Variants in RBFOX1 observed in about 807,000 individuals in gnomAD.
RBFOX1 encodes the protein RNA binding fox-1 homolog 1.
Under a neutral mutation model 57.7 loss-of-function variants are expected in RBFOX1, and 8 were observed. The observed-to-expected ratio is 0.14, with a 90% CI of 0.08 to 0.25. RBFOX1 has a LOEUF of 0.25. Among genes scored for constraint, RBFOX1 ranks in the 10% least tolerant of loss-of-function variants. The pLI is 1.00. For synonymous variants in RBFOX1, 326 were observed against 222.4 expected, an observed-to-expected ratio of 1.47 and a Z score of -4.15; for missense variants, 611 against 548.5, an observed-to-expected ratio of 1.11 and a Z score of -1.14.
chr16:7,117,646 G>A (rs546137595), intron 4 of RBFOX1, among the ~76,000 whole-genome samples: 23 of 152,262 alleles, frequency 1.5e-4, no homozygotes, highest in African/African-American at 5.1e-4. Flanking sequence ...AGGTTTTTAC[G>A]CTGCATAGCA....
chr16:7,380,410 T>C (rs1462788022), intron 4 of RBFOX1, among the ~76,000 whole-genome samples: 1 of 151,946 alleles, frequency 6.6e-6, no homozygotes, highest in Non-Finnish European at 1.5e-5. Context: ...TAAATGACTT[T>C]ATGTCTATGA....
intron 1 of RBFOX1, among the ~76,000 whole-genome samples, chr16:6,296,423 CT>C (rs1555611644): frequency 8.7e-4 from 125 of 144,210 alleles, no homozygotes; most frequent in Middle Eastern, 7.3e-3. Flanking sequence ...AGGGGATGTA[CT>C]TTTTTTTTTT....
At chr16:5,357,658 C>G (rs918950731) in intron 1 of RBFOX1, among the ~76,000 whole-genome samples, 2 of 152,194 alleles carry the variant, frequency 1.3e-5, no homozygotes, top group Non-Finnish European at 2.9e-5. Flanking sequence ...GATCATGAAC[C>G]ACACCCCAGG....
At chr16:7,565,991 C>G (rs2091580135) in intron 5 of RBFOX1, among the ~76,000 whole-genome samples, 1 of 152,078 alleles carries the variant, frequency 6.6e-6, no homozygotes, top group African/African-American at 2.4e-5. Context: ...TGGAATGATT[C>G]AGGAAAGACT....
intron 1 of RBFOX1, among the ~76,000 whole-genome samples, chr16:5,415,549 CA>C (rs1444241348): frequency 1.1e-4 from 17 of 152,186 alleles, no homozygotes; most frequent in Non-Finnish European, 2.2e-4. Context: ...TGTACATCTT[CA>C]ACAGAAAACA....
intron 3 of RBFOX1, among the ~76,000 whole-genome samples, chr16:5,652,619 C>T (rs982344864): frequency 6.6e-6 from 1 of 152,212 alleles, no homozygotes; most frequent in Non-Finnish European, 1.5e-5. Context: ...CAGCCCCCAC[C>T]CACTCACCCA....
At chr16:5,596,605 C>A (rs1355778692) in intron 2 of RBFOX1, among the ~76,000 whole-genome samples, 1 of 152,164 alleles carries the variant, frequency 6.6e-6, no homozygotes, top group East Asian at 1.9e-4. Flanking sequence ...AGATAGGGAT[C>A]CCAGGGCATC....
chr16:6,603,514 C>T lies in RBFOX1; in HGVS notation c.-63-51089C>T, dbSNP rs4528575. Among the ~76,000 whole-genome samples the T allele has an allele frequency of 6.0e-3, 911 of 152,284 alleles. 10 individuals carry two copies. The highest frequency in any genetic ancestry group is 8.0e-3 in the Non-Finnish European group (543 of 68,024). On this transcript the variant is annotated intron_variant, in intron 2 of 15. Coordinates refer to ENST00000550418, the MANE Select transcript of RBFOX1 (RefSeq NM_018723.4). ...AGCCCTCAAACACATTGGAATGATTCGGAGAGCTTTAGAAAACATGCATGC... is the reference window on the plus strand; with the variant it reads ...AGCCCTCAAACACATTGGAATGATTTGGAGAGCTTTAGAAAACATGCATGC...
intron 4 of RBFOX1, among the ~76,000 whole-genome samples, chr16:7,175,838 G>C (rs577557293): frequency 6.6e-6 from 1 of 152,092 alleles, no homozygotes; most frequent in Non-Finnish European, 1.5e-5. Flanking sequence ...TCTAGGAAAA[G>C]GTCACTCTTT....
chr16:5,533,982 G>C lies in RBFOX1; in HGVS notation c.259-64920G>C, dbSNP rs149444696. 2.5e-3 allele frequency among the ~76,000 whole-genome samples: 379 copies of C among 152,266 alleles called. 1 individual carries two copies. Among genetic ancestry groups the C allele is most frequent in the African/African-American group, 8.4e-3 (350 of 41,556 alleles). ...TGATGAGAAGCCCACACATTCGGAG[G>C]CTATGTTGCCAGGGTCAGTGTCCCC... On this transcript the variant is annotated intron_variant, in intron 2 of 2. Coordinates refer to the RBFOX1 transcript ENST00000585867.
At chr16:7,428,665 C>G (rs1258621952) in intron 4 of RBFOX1, among the ~76,000 whole-genome samples, 1 of 151,710 alleles carries the variant, frequency 6.6e-6, no homozygotes, top group Non-Finnish European at 1.5e-5. Context: ...GTCACTGCAC[C>G]TGACCAGAGA....
chr16:6,713,875 C>T (rs923254457), intron 3 of RBFOX1, among the ~76,000 whole-genome samples: 3 of 152,154 alleles, frequency 2.0e-5, no homozygotes, highest in Non-Finnish European at 2.9e-5. Context: ...GGACTGATAG[C>T]ATGTGGAGAA....
At chr16:7,475,722 T>A (rs1173396489) in intron 4 of RBFOX1, among the ~76,000 whole-genome samples, 1 of 152,190 alleles carries the variant, frequency 6.6e-6, no homozygotes, top group Non-Finnish European at 1.5e-5. Flanking sequence ...TCGGACAAGT[T>A]ATTGAACCTA....
chr16:6,421,320 G>T (rs569088959), intron 2 of RBFOX1, among the ~76,000 whole-genome samples: 107 of 152,284 alleles, frequency 7.0e-4, no homozygotes, highest in African/African-American at 2.5e-3. Flanking sequence ...CTGTTGATTT[G>T]ATTTTTAAAA....
chr16:7,252,395 C>T (rs1322209073), intron 4 of RBFOX1, among the ~76,000 whole-genome samples: 3 of 152,246 alleles, frequency 2.0e-5, no homozygotes, highest in Non-Finnish European at 4.4e-5. Flanking sequence ...CTGGCTGGGG[C>T]AGAGGTCTTC....
chr16:6,333,778 A>ATCTT (rs1451574678), intron 2 of RBFOX1, among the ~76,000 whole-genome samples: 1 of 152,206 alleles, frequency 6.6e-6, no homozygotes, highest in Non-Finnish European at 1.5e-5. Context: ...AAGCAGTAAC[A>ATCTT]TCTTTTCTAC....
chr16:7,142,242 T>A (rs1181729121), intron 4 of RBFOX1, among the ~76,000 whole-genome samples: 1 of 152,150 alleles, frequency 6.6e-6, no homozygotes, highest in Non-Finnish European at 1.5e-5. Context: ...CAGGCTGGCC[T>A]TGATCTGCTG....
At chr16:5,923,569 C>A (rs934151345) in intron 4 of RBFOX1, among the ~76,000 whole-genome samples, 11 of 135,672 alleles carry the variant, frequency 8.1e-5, no homozygotes, top group African/African-American at 3.1e-4. Flanking sequence ...TGAGGTAGAG[C>A]CTTGCTGTGT....
At chr16:6,291,396 G>T (rs187216671) in intron 1 of RBFOX1, among the ~76,000 whole-genome samples, 4 of 152,264 alleles carry the variant, frequency 2.6e-5, no homozygotes, top group Admixed American at 2.0e-4. Flanking sequence ...GGTGGAGGCC[G>T]CAGGGACGGA....
Sources: gnomAD v4.1 joint callset for allele counts (sites outside exome capture counted in the v4.1 genomes callset) on GRCh38, gnomAD v4.1.1 for gene constraint, MANE v1.5 for transcripts, NCBI Gene and HGNC (gene_info 2026-07-23, HGNC 2026-07-21) for gene names.